KCTD8: variants seen among roughly 807,000 people sequenced by gnomAD.
KCTD8 encodes potassium channel tetramerization domain containing 8.
A neutral mutation model predicts 31.5 loss-of-function variants in KCTD8; 27 were observed. The ratio of observed to expected loss-of-function variants is 0.86; its 90% CI spans 0.63 to 1.18. KCTD8 has a LOEUF of 1.18. Ranked by LOEUF, KCTD8 falls within the 50% of genes most tolerant of loss-of-function variation. The pLI, the probability that KCTD8 is intolerant of heterozygous loss-of-function variation, is 0.00. For synonymous variants in KCTD8, 290 were observed against 280.0 expected, an observed-to-expected ratio of 1.04 and a Z score of -0.36; for missense variants, 658 against 647.7, an observed-to-expected ratio of 1.02 and a Z score of -0.17.
intron 1 of KCTD8, among the ~76,000 whole-genome samples, chr4:44,238,518 G>T (rs1272982372): frequency 6.6e-6 from 1 of 152,012 alleles, no homozygotes; most frequent in Non-Finnish European, 1.5e-5. Flanking sequence ...ATGAATAAAA[G>T]AATCAGTTAA....
chr4:44,208,735 G>T (rs978188184), intron 1 of KCTD8, among the ~76,000 whole-genome samples: 1 of 151,980 alleles, frequency 6.6e-6, no homozygotes, highest in Non-Finnish European at 1.5e-5. Context: ...TACTCAACTG[G>T]AATCTCCCCT....
At chr4:44,238,164 A>G (rs977667103) in intron 1 of KCTD8, among the ~76,000 whole-genome samples, 1 of 151,900 alleles carries the variant, frequency 6.6e-6, no homozygotes, top group Non-Finnish European at 1.5e-5. Context: ...GGACCTTTGT[A>G]TGTGCTGTTC....
At chr4:44,189,030 T>C (rs953560586) in intron 1 of KCTD8, among the ~76,000 whole-genome samples, 2 of 152,214 alleles carry the variant, frequency 1.3e-5, no homozygotes, top group Admixed American at 1.3e-4. Flanking sequence ...TATTGAGTTA[T>C]GTCATCTTAT....
intron 1 of KCTD8, among the ~76,000 whole-genome samples, chr4:44,432,100 C>T (rs190992888): frequency 1.3e-5 from 2 of 151,134 alleles, no homozygotes; most frequent in African/African-American, 4.8e-5. Flanking sequence ...TTTATTGGAG[C>T]CAGTATTTTA....
At chr4:44,364,049 C>A (rs545623859) in intron 1 of KCTD8, among the ~76,000 whole-genome samples, 1 of 151,722 alleles carries the variant, frequency 6.6e-6, no homozygotes, top group Non-Finnish European at 1.5e-5. Flanking sequence ...TTTTTAGATA[C>A]AACATGAAAA....
At chr4:44,243,424 A>T (rs1715562304) in intron 1 of KCTD8, among the ~76,000 whole-genome samples, 2 of 152,246 alleles carry the variant, frequency 1.3e-5, no homozygotes, top group South Asian at 4.1e-4. Context: ...TAAAGTTGTA[A>T]GATGAATACT....
At chr4:44,282,188 T>C (rs977153003) in intron 1 of KCTD8, among the ~76,000 whole-genome samples, 6 of 152,026 alleles carry the variant, frequency 3.9e-5, no homozygotes, top group Admixed American at 2.0e-4. Flanking sequence ...AGCAAGACTA[T>C]TGGGGTCATT....
intron 1 of KCTD8, among the ~76,000 whole-genome samples, chr4:44,425,094 C>T (rs1222424800): frequency 2.0e-5 from 3 of 151,912 alleles, no homozygotes; most frequent in Non-Finnish European, 4.4e-5. Context: ...TAGAAGAAAC[C>T]AACACTGTCT....
chr4:44,242,127 C>T (rs1033596665), intron 1 of KCTD8, among the ~76,000 whole-genome samples: 1 of 152,090 alleles, frequency 6.6e-6, no homozygotes, highest in Non-Finnish European at 1.5e-5. Context: ...TGAAGCAAAA[C>T]TATTATTTAT....
chr4:44,300,754 C>G (rs947299518), intron 1 of KCTD8, among the ~76,000 whole-genome samples: 1 of 151,792 alleles, frequency 6.6e-6, no homozygotes, highest in Non-Finnish European at 1.5e-5. Context: ...TTAGGGTACA[C>G]GTGCACAATG....
chr4:44,319,312 T>C (rs548256632), intron 1 of KCTD8, among the ~76,000 whole-genome samples: 5 of 152,136 alleles, frequency 3.3e-5, no homozygotes, highest in Non-Finnish European at 7.4e-5. Context: ...AAGAGGCCAA[T>C]AGTTGGAGTT....
intron 1 of KCTD8, among the ~76,000 whole-genome samples, chr4:44,209,679 A>G (rs985860195): frequency 6.6e-6 from 1 of 152,124 alleles, no homozygotes; most frequent in African/African-American, 2.4e-5. Context: ...TGGATTCCTT[A>G]TATACATTTC....
chr4:44,415,422 G>C (rs568952109), intron 1 of KCTD8, among the ~76,000 whole-genome samples: 1 of 152,242 alleles, frequency 6.6e-6, no homozygotes, highest in South Asian at 2.1e-4. Flanking sequence ...GACTAAAAGG[G>C]AACCTGGTGC....
At chr4:44,266,413 C>A (rs1037838785) in intron 1 of KCTD8, among the ~76,000 whole-genome samples, 38 of 152,168 alleles carry the variant, frequency 2.5e-4, no homozygotes, top group African/African-American at 7.7e-4. Flanking sequence ...TGGAAAGGAA[C>A]AACTGGTACC....
chr4:44,431,034 CTG>C (rs1311505700), intron 1 of KCTD8, among the ~76,000 whole-genome samples: 2 of 151,456 alleles, frequency 1.3e-5, no homozygotes, highest in African/African-American at 4.8e-5. Context: ...TAAAAACAAA[CTG>C]TACTTCAATA....
chr4:44,249,682 T>C (rs1222518069), intron 1 of KCTD8, among the ~76,000 whole-genome samples: 1 of 151,796 alleles, frequency 6.6e-6, no homozygotes, highest in African/African-American at 2.4e-5. Context: ...ACAGTACCTG[T>C]ATAAACACCA....
intron 1 of KCTD8, among the ~76,000 whole-genome samples, chr4:44,409,239 G>C (rs961573841): frequency 4.6e-5 from 7 of 151,582 alleles, no homozygotes; most frequent in African/African-American, 1.7e-4. Flanking sequence ...AAAAAAAAGA[G>C]GAAAGAAAGG....
intron 1 of KCTD8, among the ~76,000 whole-genome samples, chr4:44,211,824 C>A (rs1385024357): frequency 6.6e-6 from 1 of 151,642 alleles, no homozygotes; most frequent in Non-Finnish European, 1.5e-5. Context: ...CTGTAAAATT[C>A]TGTATGTGTA....
intron 1 of KCTD8, among the ~76,000 whole-genome samples, chr4:44,294,499 C>T (rs1577598444): frequency 6.6e-6 from 1 of 152,150 alleles, no homozygotes; most frequent in Non-Finnish European, 1.5e-5. Context: ...CGTCCAGCAC[C>T]ATTGCAACCA....
Sources: allele counts gnomAD v4.1 joint callset (sites outside exome capture counted in the v4.1 genomes callset), GRCh38; gene constraint gnomAD v4.1.1; transcripts MANE v1.5; gene names NCBI Gene and HGNC (gene_info 2026-07-23, HGNC 2026-07-21).